Variants in FAM13B observed in about 807,000 individuals in gnomAD.
The protein encoded by FAM13B is protein FAM13B.
A neutral mutation model predicts 117.3 loss-of-function variants in FAM13B; 60 were observed. That is an observed-to-expected ratio of 0.51 (90% CI 0.42 to 0.63). The LOEUF (loss-of-function observed/expected upper bound fraction) is 0.63. Among genes scored for constraint, FAM13B ranks in the 30% least tolerant of loss-of-function variants. FAM13B has a pLI of 0.00. For missense variants in FAM13B, 972 were observed against 1,091.9 expected (o/e 0.89, Z 1.55); for synonymous variants, 332 against 356.1 (o/e 0.93, Z 0.76).
At chr5:137,980,913 GTTT>G (rs1009779788) in intron 10 of FAM13B, among the ~76,000 whole-genome samples, 1 of 143,238 alleles carries the variant, frequency 7.0e-6, no homozygotes, top group Non-Finnish European at 1.5e-5. Context: ...CCCTCATAAA[GTTT>G]TTTTTTTTTC....
upstream of FAM13B, among the ~76,000 whole-genome samples, chr5:138,035,070 T>G (rs1487942926): frequency 7.3e-6 from 1 of 136,522 alleles, no homozygotes; most frequent in East Asian, 2.4e-4. Flanking sequence ...TGGGGTCCAG[T>G]GTCTGGATTA....
intron 11 of FAM13B, among the ~76,000 whole-genome samples, chr5:137,960,999 C>T (rs1767966309): frequency 6.6e-6 from 1 of 152,142 alleles, no homozygotes; most frequent in Admixed American, 6.6e-5. Flanking sequence ...ACAGAGTATG[C>T]ACTCAGGAGA....
intron 1 of FAM13B, among the ~76,000 whole-genome samples, chr5:138,044,551 C>CG (rs1329250965): frequency 8.4e-6 from 1 of 118,686 alleles, no homozygotes; most frequent in African/African-American, 3.1e-5. Context: ...GACTCCATCT[C>CG]GAAAAAAAAA....
chr5:137,960,128 C>T, intron 12 of FAM13B, 38 bp downstream of exon 12: 10 of 1,265,172 alleles, frequency 7.9e-6, no homozygotes, highest in Non-Finnish European at 1.1e-5. Context: ...TAAACCTAGG[C>T]AAGTTTTTAA....
chr5:137,953,318 G>A lies in FAM13B; in HGVS notation c.1848+18C>T. 6.2e-7 allele frequency: 1 copy of A among 1,612,750 alleles called. No homozygotes were observed. The highest frequency in any genetic ancestry group is 8.5e-7 in the Non-Finnish European group (1 of 1,179,316). On this transcript the variant is annotated intron_variant, in intron 16 of 23. Coordinates refer to ENST00000689681, the MANE Select transcript of FAM13B (RefSeq NM_001385994.1). Reference sequence around the variant, plus strand: ...TAATATTAGATTAAGCTCACTCTGGGGAATGCTACAAACCTACCTTGCTAT... The same window carrying A: ...TAATATTAGATTAAGCTCACTCTGGAGAATGCTACAAACCTACCTTGCTAT...
intron 7 of FAM13B, among the ~76,000 whole-genome samples, chr5:137,989,590 C>T (rs1778095923): frequency 2.0e-5 from 3 of 151,954 alleles, no homozygotes; most frequent in African/African-American, 7.3e-5. Flanking sequence ...TTTGGGAGAC[C>T]GAAGCTGGAG....
intron 7 of FAM13B, among the ~76,000 whole-genome samples, chr5:137,994,323 T>C (rs1022625941): frequency 6.6e-6 from 1 of 152,184 alleles, no homozygotes; most frequent in Non-Finnish European, 1.5e-5. Context: ...ACAAAATGAA[T>C]TGTACAACTT....
Position 137,948,267 on chromosome 5 carries a change from T to C in FAM13B, c.2160+688A>G, listed in dbSNP as rs184084587. 1.6e-4 allele frequency among the ~76,000 whole-genome samples: 24 copies of C among 152,066 alleles called. No individual in the cohort carries two copies. The East Asian group carries it at 3.1e-3, about 20-fold the overall frequency. On this transcript the variant is annotated intron_variant, in intron 18 of 23. Coordinates refer to ENST00000689681, the MANE Select transcript of FAM13B (RefSeq NM_001385994.1). The stretch of plus-strand genomic sequence containing the variant: ...AATCACGTCAATATACATTATAGGA[T>C]TGTTGAAGGGGCTGAGTGGCATAAT...
intron 7 of FAM13B, among the ~76,000 whole-genome samples, chr5:138,002,327 A>G (rs1412866511): frequency 1.3e-5 from 2 of 152,074 alleles, no homozygotes; most frequent in African/African-American, 4.8e-5. Flanking sequence ...TCAGGAGTTC[A>G]AGAGACCAGC....
chr5:138,011,756 T>A lies in FAM13B; in HGVS notation c.548+12A>T, dbSNP rs1784087974. ...TTTTAAAAATTAAACAAAAATTTTT[T>A]AAACAACTTACTGGAAGACATCTGG... On this transcript the variant is annotated intron_variant, in intron 5 of 23. Coordinates refer to ENST00000689681, the MANE Select transcript of FAM13B (RefSeq NM_001385994.1). 1 of 1,590,938 alleles carries A rather than the reference T, an allele frequency of 6.3e-7. No homozygotes were observed. The highest frequency in any genetic ancestry group is 8.5e-7 in the Non-Finnish European group (1 of 1,171,164).
At chr5:138,025,310 TG>T (rs1179330447) in intron 1 of FAM13B, among the ~76,000 whole-genome samples, 56 of 53,270 alleles carry the variant, frequency 1.1e-3, no homozygotes, top group African/African-American at 2.9e-3. Context: ...TATATATATA[TG>T]TATTTTTTTT....
Position 138,007,121 on chromosome 5 carries a change from C to T in FAM13B, c.717G>A (p.Glu239=), listed in dbSNP as rs764102657. 7 of 1,608,982 alleles carry T rather than the reference C, an allele frequency of 4.4e-6. No homozygotes were observed. In the African/African-American group the frequency reaches 5.4e-5, roughly 12 times the overall value. The change falls in exon 7 of 24, where the codon GAG becomes GAA. Residue 239 remains glutamate (E), a synonymous_variant. Coordinates refer to ENST00000689681, the MANE Select transcript of FAM13B (RefSeq NM_001385994.1). ...EQVNELSEEE[E]EDEKLEHIEE... is the part of the protein sequence containing the mutation. ...CAATATGTTCCAGCTTTTCATCTTCCTCTTCTTCCTCAGAAAGTTCATTAA... is the reference window on the plus strand; with the variant it reads ...CAATATGTTCCAGCTTTTCATCTTCTTCTTCTTCCTCAGAAAGTTCATTAA...
intron 1 of FAM13B, among the ~76,000 whole-genome samples, chr5:138,040,738 G>A (rs903907620): frequency 2.0e-5 from 3 of 151,894 alleles, no homozygotes; most frequent in African/African-American, 7.3e-5. Flanking sequence ...TTAGTACCCA[G>A]AGAGAAAGGG....
intron 13 of FAM13B, among the ~76,000 whole-genome samples, chr5:137,958,286 A>G (rs1767144500): frequency 6.6e-6 from 1 of 152,266 alleles, no homozygotes; most frequent in South Asian, 2.1e-4. Flanking sequence ...AAAGCAAATT[A>G]AAGACAACTT....
chr5:138,051,331 A>T (rs899001377), intron 1 of FAM13B, among the ~76,000 whole-genome samples: 2 of 152,228 alleles, frequency 1.3e-5, no homozygotes, highest in Admixed American at 1.3e-4. Context: ...TCCTGGAAAC[A>T]AAATTGTTTA....
chr5:138,037,610 C>G (rs1791283394), upstream of FAM13B, among the ~76,000 whole-genome samples: 1 of 152,052 alleles, frequency 6.6e-6, no homozygotes, highest in Admixed American at 6.6e-5. Flanking sequence ...GAATTCATCT[C>G]TTCCAGATGT....
rs1467304074 is a variant in FAM13B, at chr5:138,011,965, G to C, written c.371-20C>G. 4.6e-6 allele frequency: 7 copies of C among 1,521,048 alleles called. No individual in the cohort carries two copies. The highest frequency in any genetic ancestry group is 6.2e-6 in the Non-Finnish European group (7 of 1,129,496). 94.2% of individuals were successfully genotyped at this position (1,521,048 alleles called of 1,614,324 possible). A position where few individuals can be genotyped will look rare whatever the true frequency, so the allele number is the denominator to read the frequency against. The stretch of plus-strand genomic sequence containing the variant: ...TATAATCTATAAAACAATAATAACA[G>C]GTTTTTTTCAATAAAGGAAAAAGCA... On this transcript the variant is annotated intron_variant, in intron 4 of 23. Coordinates refer to ENST00000689681, the MANE Select transcript of FAM13B (RefSeq NM_001385994.1).
chr5:137,946,752 G>A (rs577912687), intron 18 of FAM13B, among the ~76,000 whole-genome samples: 1 of 152,288 alleles, frequency 6.6e-6, no homozygotes, highest in Admixed American at 6.5e-5. Context: ...TTCATTTAAT[G>A]TTGTTGGCAT....
intron 7 of FAM13B, among the ~76,000 whole-genome samples, chr5:137,993,187 G>C (rs1469867223): frequency 6.6e-6 from 1 of 152,214 alleles, no homozygotes; most frequent in Non-Finnish European, 1.5e-5. Flanking sequence ...AATCACCTTA[G>C]TAGGGAGGGA....
Sources: allele counts gnomAD v4.1 joint callset (sites outside exome capture counted in the v4.1 genomes callset), GRCh38; gene constraint gnomAD v4.1.1; transcripts MANE v1.5; gene names NCBI Gene and HGNC (gene_info 2026-07-23, HGNC 2026-07-21).